Variants in PMEPA1 observed in about 807,000 individuals in gnomAD.
The protein encoded by PMEPA1 is prostate transmembrane protein, androgen induced 1, also known as protein TMEPAI.
A neutral mutation model predicts 23.0 loss-of-function variants in PMEPA1; 11 were observed. The observed-to-expected ratio is 0.48, with a 90% CI of 0.30 to 0.79. PMEPA1 has a LOEUF of 0.79. Among genes scored for constraint, PMEPA1 ranks in the 30% least tolerant of loss-of-function variants. The pLI is 0.06. For missense variants in PMEPA1, 377 were observed against 390.9 expected, an observed-to-expected ratio of 0.96 and a Z score of 0.30; for synonymous variants, 204 against 166.4, an observed-to-expected ratio of 1.23 and a Z score of -1.74.
chr20:57,664,438 G>A (rs768912515), intron 1 of PMEPA1, among the ~76,000 whole-genome samples: 25 of 152,250 alleles, frequency 1.6e-4, no homozygotes, highest in Non-Finnish European at 3.4e-4. Context: ...AGACCCCTTG[G>A]GGGAGAGAAA....
chr20:57,701,746 G>A (rs1344648239), intron 1 of PMEPA1, among the ~76,000 whole-genome samples: 1 of 152,042 alleles, frequency 6.6e-6, no homozygotes, highest in Non-Finnish European at 1.5e-5. Flanking sequence ...AGGATACCAC[G>A]CTCACCCCCA....
In PMEPA1 at chr20:57,709,546, C is replaced by CGGCGGCGGT; in HGVS notation, c.28_36dup (p.Thr10_Ala12dup). On this transcript the variant is annotated inframe_insertion, in exon 1 of 4. Coordinates refer to ENST00000341744, the MANE Select transcript of PMEPA1 (RefSeq NM_020182.5). ...GAGACATTGGGCTGCCCGGCGGCGGCGGCGGCGGTGCTGTTGACCCCCATC... is the reference window on the plus strand; with the variant it reads ...GAGACATTGGGCTGCCCGGCGGCGGCGGCGGCGGTGGCGGCGGTGCTGTTGACCCCCATC... 1 of 1,093,824 alleles carries CGGCGGCGGT rather than the reference C, an allele frequency of 9.1e-7. No individual in the cohort carries two copies. Among genetic ancestry groups the CGGCGGCGGT allele is most frequent in the Non-Finnish European group, 1.1e-6 (1 of 881,774 alleles). 67.8% of individuals were successfully genotyped at this position (1,093,824 alleles called of 1,614,324 possible).
intron 1 of PMEPA1, among the ~76,000 whole-genome samples, chr20:57,684,905 G>A (rs924487742): frequency 6.6e-6 from 1 of 152,098 alleles, no homozygotes; most frequent in Non-Finnish European, 1.5e-5. Flanking sequence ...AACCTGGAAT[G>A]TCACTTTTCC....
At chr20:57,692,951 C>T (rs923507332) in intron 1 of PMEPA1, among the ~76,000 whole-genome samples, 1 of 152,188 alleles carries the variant, frequency 6.6e-6, no homozygotes, top group Admixed American at 6.5e-5. Flanking sequence ...TCAAGGTGTC[C>T]CAGGCAGTGG....
intron 1 of PMEPA1, among the ~76,000 whole-genome samples, chr20:57,703,733 T>C (rs1372445553): frequency 1.3e-5 from 2 of 152,188 alleles, no homozygotes; most frequent in East Asian, 1.9e-4. Flanking sequence ...GCAACCTTTT[T>C]CTGGTGAAGG....
chr20:57,699,473 C>A (rs994913199), intron 1 of PMEPA1, among the ~76,000 whole-genome samples: 10 of 152,230 alleles, frequency 6.6e-5, no homozygotes, highest in Non-Finnish European at 1.2e-4. Context: ...AAAGACTCCA[C>A]ATCTAGAAAG....
chr20:57,672,812 T>C (rs1435830947), intron 1 of PMEPA1, among the ~76,000 whole-genome samples: 2 of 152,154 alleles, frequency 1.3e-5, no homozygotes, highest in South Asian at 2.1e-4. Context: ...AAAGGAATCC[T>C]GGCGCTGTCC....
At chr20:57,658,795 C>A (rs193299037) in intron 2 of PMEPA1, among the ~76,000 whole-genome samples, 1 of 152,332 alleles carries the variant, frequency 6.6e-6, no homozygotes, top group East Asian at 1.9e-4. Flanking sequence ...CAGATGTCAG[C>A]ATAGCACGGG....
intron 1 of PMEPA1, among the ~76,000 whole-genome samples, chr20:57,702,572 C>T (rs912966520): frequency 6.6e-6 from 1 of 152,122 alleles, no homozygotes; most frequent in African/African-American, 2.4e-5. Flanking sequence ...ACTGCAATGG[C>T]CAATCTTGCA....
intron 1 of PMEPA1, among the ~76,000 whole-genome samples, chr20:57,676,296 G>T (rs550219467): frequency 5.9e-5 from 9 of 152,180 alleles, no homozygotes; most frequent in Non-Finnish European, 1.3e-4. Flanking sequence ...TGCCTCACAG[G>T]ACTGCTTAAG....
intron 1 of PMEPA1, among the ~76,000 whole-genome samples, chr20:57,699,197 T>C (rs1600672504): frequency 6.6e-6 from 1 of 152,164 alleles, no homozygotes; most frequent in Non-Finnish European, 1.5e-5. Context: ...ACATCAAGGA[T>C]GTGCAAGCCT....
intron 2 of PMEPA1, among the ~76,000 whole-genome samples, chr20:57,657,844 T>C (rs116956874): frequency 0.02 from 3,110 of 152,174 alleles, 54 homozygotes; most frequent in Non-Finnish European, 0.031. Context: ...GAGGCCACAC[T>C]CAGTGCTGCC....
chr20:57,673,324 GT>G (rs901139226), intron 1 of PMEPA1, among the ~76,000 whole-genome samples: 4 of 152,120 alleles, frequency 2.6e-5, no homozygotes, highest in African/African-American at 9.7e-5. Context: ...GTCTCTGGCA[GT>G]TTTAAACTCT....
Position 57,709,816 on chromosome 20 carries a change from G to C in PMEPA1, c.-234C>G, listed in dbSNP as rs1350310558. ...TCCCCTCGGCAGCCCCGGGGGCGTC[G>C]GCAGTGCCCGCGGGTGGCGTCCGGA... On this transcript the variant is annotated 5_prime_UTR_variant, in exon 1 of 4. Transcript: ENST00000341744. The C allele has an allele frequency of 1.6e-5, 16 of 977,386 alleles. No individual in the cohort carries two copies. In the East Asian group the frequency reaches 2.0e-3, roughly 121 times the overall value. 60.5% of individuals were successfully genotyped at this position (977,386 alleles called of 1,614,324 possible). A position where few individuals can be genotyped will look rare whatever the true frequency, so the allele number is the denominator to read the frequency against.
intron 2 of PMEPA1, among the ~76,000 whole-genome samples, chr20:57,659,286 C>T (rs1020035167): frequency 2.6e-5 from 4 of 152,200 alleles, no homozygotes; most frequent in Non-Finnish European, 4.4e-5. Context: ...CAGCTGAGTG[C>T]GTGAGTGGAT....
intron 1 of PMEPA1, among the ~76,000 whole-genome samples, chr20:57,688,586 C>T (rs1428367426): frequency 6.6e-6 from 1 of 152,200 alleles, no homozygotes; most frequent in African/African-American, 2.4e-5. Flanking sequence ...ATCCTCAGCA[C>T]CCAGTGGTCG....
chr20:57,679,000 G>A (rs1221066312), intron 1 of PMEPA1, among the ~76,000 whole-genome samples: 1 of 152,234 alleles, frequency 6.6e-6, no homozygotes, highest in Non-Finnish European at 1.5e-5. Flanking sequence ...AGGCACAGAA[G>A]AGCCAGGAAC....
chr20:57,663,347 G>C (rs1260377926), intron 1 of PMEPA1, among the ~76,000 whole-genome samples: 3 of 152,250 alleles, frequency 2.0e-5, no homozygotes, highest in African/African-American at 7.2e-5. Flanking sequence ...GGCTCTCTCA[G>C]AGGGCCCGGG....
At chr20:57,709,065 CCAGA>C (rs986344412) in intron 1 of PMEPA1, among the ~76,000 whole-genome samples, 2 of 152,004 alleles carry the variant, frequency 1.3e-5, no homozygotes, top group African/African-American at 4.8e-5. Context: ...ACCTCGCAGA[CCAGA>C]CAGTGTCTCA....
Sources: allele counts gnomAD v4.1 joint callset (sites outside exome capture counted in the v4.1 genomes callset), GRCh38; gene constraint gnomAD v4.1.1; transcripts MANE v1.5; gene names NCBI Gene and HGNC (gene_info 2026-07-23, HGNC 2026-07-21).